The following NR5A2 variants were observed in gnomAD, a reference collection of about 807,000 sequenced individuals.
The protein encoded by NR5A2 is CYP7A promoter-binding factor.
A neutral mutation model predicts 62.7 loss-of-function variants in NR5A2; 26 were observed. That is an observed-to-expected ratio of 0.41 (90% CI 0.30 to 0.58). The LOEUF (loss-of-function observed/expected upper bound fraction) is 0.58. Ranked by LOEUF, NR5A2 falls within the 20% of genes least tolerant of loss-of-function variation. The probability of loss-of-function intolerance (pLI) is 0.22; values close to 1 mark genes in which losing one functional copy is unlikely to be tolerated. For missense variants in NR5A2, 541 were observed against 669.1 expected, an observed-to-expected ratio of 0.81 and a Z score of 2.11; for synonymous variants, 246 against 241.7, an observed-to-expected ratio of 1.02 and a Z score of -0.16.
intron 7 of NR5A2, among the ~76,000 whole-genome samples, chr1:200,141,119 A>C (rs745771760): frequency 2.6e-5 from 4 of 152,144 alleles, no homozygotes; most frequent in Non-Finnish European, 4.4e-5. Flanking sequence ...ATATTTCACC[A>C]GTTTAAATGC....
At chr1:200,163,283 A>G (rs890779631) in intron 7 of NR5A2, among the ~76,000 whole-genome samples, 5 of 150,902 alleles carry the variant, frequency 3.3e-5, no homozygotes, top group African/African-American at 1.2e-4. Flanking sequence ...AAAAAAAAGA[A>G]GAAGAAAGAA....
intron 5 of NR5A2, among the ~76,000 whole-genome samples, chr1:200,102,745 GT>G (rs1475263515): frequency 6.6e-6 from 1 of 152,138 alleles, no homozygotes; most frequent in Non-Finnish European, 1.5e-5. Flanking sequence ...ATGCACTCAA[GT>G]TTTGAACCGC....
At chr1:200,072,342 G>A (rs1663775133) in intron 5 of NR5A2, among the ~76,000 whole-genome samples, 2 of 152,058 alleles carry the variant, frequency 1.3e-5, no homozygotes, top group South Asian at 4.1e-4. Flanking sequence ...ATAGTCTGTT[G>A]ATTAATAAAT....
intron 7 of NR5A2, among the ~76,000 whole-genome samples, chr1:200,138,367 T>C (rs941988022): frequency 4.6e-5 from 7 of 152,188 alleles, no homozygotes; most frequent in African/African-American, 1.7e-4. Flanking sequence ...CATTATTCTG[T>C]TTTAATTTGT....
intron 2 of NR5A2, chr1:200,043,001 G>A: frequency 1.0e-6 from 1 of 985,432 alleles, no homozygotes; most frequent in Non-Finnish European, 1.2e-6. Context: ...GGAAACATGT[G>A]AGGTTCATTA....
intron 3 of NR5A2, chr1:200,044,671 T>C (rs1039107420): frequency 3.3e-5 from 5 of 152,226 alleles, no homozygotes; most frequent in African/African-American, 1.2e-4. Context: ...AATCCCTCCA[T>C]TCTCTATAAC....
intron 7 of NR5A2, among the ~76,000 whole-genome samples, chr1:200,124,793 G>A (rs1666631952): frequency 6.6e-6 from 1 of 152,066 alleles, no homozygotes; most frequent in Admixed American, 6.6e-5. Flanking sequence ...TTAGCCAGGT[G>A]TGGTGGCAGA....
At chr1:200,060,156 C>T (rs1227701477) in intron 5 of NR5A2, among the ~76,000 whole-genome samples, 1 of 152,190 alleles carries the variant, frequency 6.6e-6, no homozygotes, top group Non-Finnish European at 1.5e-5. Flanking sequence ...CACTTTTCTT[C>T]TGTCCCAATT....
chr1:200,135,942 C>A (rs144759602), intron 7 of NR5A2, among the ~76,000 whole-genome samples: 2 of 152,172 alleles, frequency 1.3e-5, no homozygotes, highest in Admixed American at 6.6e-5. Flanking sequence ...ATAACTGATA[C>A]ATTAATTCAG....
intron 5 of NR5A2, among the ~76,000 whole-genome samples, chr1:200,080,632 T>A (rs1212210033): frequency 6.6e-6 from 1 of 152,240 alleles, no homozygotes; most frequent in African/African-American, 2.4e-5. Context: ...CACCACTGTA[T>A]GAAATATCAA....
intron 7 of NR5A2, among the ~76,000 whole-genome samples, chr1:200,167,213 T>C (rs1653942921): frequency 6.6e-6 from 1 of 152,166 alleles, no homozygotes; most frequent in Non-Finnish European, 1.5e-5. Context: ...TCACCCAATA[T>C]TCCATGTGCC....
rs754309113 is a variant in NR5A2, at chr1:200,147,800, C to T, written c.1379-26163C>T. 6.0e-5 allele frequency: 29 copies of T among 485,890 alleles called. No individual in the cohort carries two copies. Among genetic ancestry groups the T allele is most frequent in the Non-Finnish European group, 8.2e-5 (21 of 257,294 alleles). The allele number at this position is 485,890 out of a possible 1,614,324, so 30.1% of individuals were successfully genotyped here. ...CGGATGCCGGCACGGTGGGCAGCCG[C>T]CGTGGCGTCCAGCACCAGGTCCTGG... On this transcript the variant is annotated intron_variant, in intron 7 of 7. Transcript: ENST00000367362. This position sits in a 1 kb window ranked among gnomAD's most constrained non-coding sequence, Gnocchi z 4.9.
chr1:200,172,700 C>T (rs1189921166), intron 7 of NR5A2, among the ~76,000 whole-genome samples: 1 of 152,118 alleles, frequency 6.6e-6, no homozygotes, highest in Non-Finnish European at 1.5e-5. Context: ...AGTGTAAAGC[C>T]ATTTAGAAAT....
chr1:200,135,254 C>T (rs1019277287), intron 7 of NR5A2, among the ~76,000 whole-genome samples: 2 of 152,186 alleles, frequency 1.3e-5, no homozygotes, highest in African/African-American at 4.8e-5. Flanking sequence ...GGTGCAGCGG[C>T]TCACGCCTGT....
chr1:200,127,116 A>G (rs941325473), intron 7 of NR5A2, among the ~76,000 whole-genome samples: 1 of 152,214 alleles, frequency 6.6e-6, no homozygotes, highest in Non-Finnish European at 1.5e-5. Context: ...ACAAAACTAG[A>G]TGATTTATCC....
Position 200,039,855 on chromosome 1 carries a change from T to TGCAGGCTTCAGCCTCCCGCCCC in NR5A2, c.202+63_202+84dup. On this transcript the variant is annotated intron_variant, in intron 2 of 7. Transcript: ENST00000367362. The surrounding 1 kb of genome is among the most constrained non-coding windows in gnomAD (Gnocchi z 5.1). ...TGCTTCCCCACCCCCGGGCTCGCCC[T>TGCAGGCTTCAGCCTCCCGCCCC]GCAGGCTTCAGCCTCCCGCCCCGCG... is the stretch of plus-strand genomic sequence containing the variant. 1 of 1,532,456 alleles carries TGCAGGCTTCAGCCTCCCGCCCC rather than the reference T, an allele frequency of 6.5e-7. No homozygotes were observed. Among genetic ancestry groups the TGCAGGCTTCAGCCTCCCGCCCC allele is most frequent in the South Asian group, 1.2e-5 (1 of 82,998 alleles). 94.9% of individuals were successfully genotyped at this position (1,532,456 alleles called of 1,614,324 possible).
chr1:200,160,181 C>T (rs1283708383), intron 7 of NR5A2, among the ~76,000 whole-genome samples: 2 of 152,176 alleles, frequency 1.3e-5, no homozygotes, highest in Non-Finnish European at 2.9e-5. Context: ...TGCACTGTGT[C>T]CATGGAGTAT....
intron 7 of NR5A2, 40 bp from the exon 8 acceptor site, chr1:200,173,923 T>C (rs1654296765): frequency 2.8e-6 from 4 of 1,406,096 alleles, no homozygotes; most frequent in Non-Finnish European, 3.7e-6. Flanking sequence ...ATTGAAATGC[T>C]ATTGAAATGT....
intron 2 of NR5A2, among the ~76,000 whole-genome samples, chr1:200,042,510 G>A (rs564928592): frequency 1.3e-5 from 2 of 152,312 alleles, no homozygotes; most frequent in Admixed American, 1.3e-4. Context: ...GGAAACTTCT[G>A]CCCGGCCGTG....
Sources: allele counts gnomAD v4.1 joint callset (sites outside exome capture counted in the v4.1 genomes callset), GRCh38; gene constraint gnomAD v4.1.1; non-coding constraint Gnocchi (gnomAD v3.1); transcripts MANE v1.5; gene names NCBI Gene and HGNC (gene_info 2026-07-23, HGNC 2026-07-21).